CAMTA1: variants seen among roughly 807,000 people sequenced by gnomAD.
CAMTA1 encodes calmodulin binding transcription activator 1, also known as calmodulin-binding transcription activator 1.
CAMTA1 carries 27 observed loss-of-function variants against 170.9 expected under a neutral mutation model. The ratio of observed to expected loss-of-function variants is 0.16; its 90% confidence interval spans 0.12 to 0.22. The LOEUF (loss-of-function observed/expected upper bound fraction) is 0.22. CAMTA1 is among the 10% of genes least tolerant of loss of function. The pLI, the probability that CAMTA1 is intolerant of heterozygous loss-of-function variation, is 1.00. For missense variants in CAMTA1, 1,619 were observed against 2,217.2 expected (o/e 0.73, Z 5.42); for synonymous variants, 833 against 891.5 (o/e 0.93, Z 1.17).
intron 5 of CAMTA1, among the ~76,000 whole-genome samples, chr1:7,281,665 A>T (rs180761390): frequency 3.3e-5 from 5 of 152,360 alleles, no homozygotes; most frequent in Admixed American, 2.6e-4. Flanking sequence ...CTAATGAAAT[A>T]TTTTAATATC....
chr1:7,171,412 G>C (rs936375052), intron 4 of CAMTA1, among the ~76,000 whole-genome samples: 9 of 152,094 alleles, frequency 5.9e-5, no homozygotes, highest in Non-Finnish European at 1.3e-4. Flanking sequence ...TCTCTTTCCA[G>C]CCCTGCTCAA....
At chr1:7,047,784 C>T (rs942139803) in intron 3 of CAMTA1, among the ~76,000 whole-genome samples, 1 of 151,028 alleles carries the variant, frequency 6.6e-6, no homozygotes, top group Admixed American at 6.6e-5. Context: ...GCAGCTTCTC[C>T]ACTTGGTGGG....
At chr1:7,131,522 C>CTTTTTTTTTTTTTTT (rs58819912) in intron 4 of CAMTA1, among the ~76,000 whole-genome samples, 1 of 126,698 alleles carries the variant, frequency 7.9e-6, no homozygotes, top group Non-Finnish European at 1.7e-5. Flanking sequence ...ATCGTCTTTT[C>CTTTTTTTTTTTTTTT]TTTTTTTTTT....
At position 7,723,232 on chromosome 1, in the gene CAMTA1, G is replaced by A. The variant is rs1485469877; in HGVS notation, c.2915-9216G>A. 1.3e-5 allele frequency among the ~76,000 whole-genome samples: 2 copies of A among 152,242 alleles called. 1 individual carries two copies. The highest frequency in any genetic ancestry group is 4.1e-4 in the South Asian group (2 of 4,822). On this transcript the variant is annotated intron_variant, in intron 11 of 22. Transcript: ENST00000303635. ...ATGAGAGATGAATCTGGAGCATCTT[G>A]TAATGCCAGAAAGGAAGGAAGTGCT... is the stretch of plus-strand genomic sequence containing the variant.
At chr1:7,247,386 C>T (rs955855089) in intron 4 of CAMTA1, among the ~76,000 whole-genome samples, 4 of 152,150 alleles carry the variant, frequency 2.6e-5, no homozygotes, top group East Asian at 1.9e-4. Context: ...GATGTGGGAA[C>T]GGTTTGCCTG....
At chr1:7,498,191 AGTGT>A (rs1553182530) in intron 6 of CAMTA1, among the ~76,000 whole-genome samples, 21 of 148,516 alleles carry the variant, frequency 1.4e-4, no homozygotes, top group African/African-American at 3.3e-4. Flanking sequence ...TATGAGAGTG[AGTGT>A]GTGTGTGTGT....
intron 3 of CAMTA1, among the ~76,000 whole-genome samples, chr1:6,984,082 A>ATGGGT (rs1694921778): frequency 3.0e-3 from 1 of 332 alleles, no homozygotes; most frequent in African/African-American, 0.014. Context: ...GGGTGGATAG[A>ATGGGT]TGGATGGGTG....
rs77674315 is a variant in CAMTA1, at chr1:7,378,946, C to T, written c.439-88884C>T. 1.7e-3 allele frequency among the ~76,000 whole-genome samples: 259 copies of T among 152,160 alleles called. 1 individual carries two copies. Among genetic ancestry groups the T allele is most frequent in the African/African-American group, 5.5e-3 (229 of 41,498 alleles). On this transcript the variant is annotated intron_variant, in intron 5 of 22. Transcript: ENST00000303635. ...TCTTGCACCGGCTCCTCGAGGCACC[C>T]CATCCCCATCCCCACTCTGTCTCTG...
chr1:7,454,153 C>A (rs996528947), intron 5 of CAMTA1, among the ~76,000 whole-genome samples: 2 of 152,196 alleles, frequency 1.3e-5, no homozygotes, highest in African/African-American at 4.8e-5. Flanking sequence ...TGGAAGCTGC[C>A]GTTTATTTTA....
intron 3 of CAMTA1, among the ~76,000 whole-genome samples, chr1:7,090,711 G>T (rs916641943): frequency 6.6e-6 from 1 of 152,050 alleles, no homozygotes; most frequent in Non-Finnish European, 1.5e-5. Context: ...CTCTGCTGAC[G>T]TTGCTCTTCT....
intron 3 of CAMTA1, among the ~76,000 whole-genome samples, chr1:7,009,160 G>A (rs189794468): frequency 1.3e-5 from 2 of 152,352 alleles, no homozygotes; most frequent in East Asian, 3.9e-4. Context: ...TCCCTTTCTG[G>A]GCCCCGTTTA....
intron 6 of CAMTA1, among the ~76,000 whole-genome samples, chr1:7,628,939 C>T (rs561097506): frequency 6.6e-6 from 1 of 152,312 alleles, no homozygotes; most frequent in African/African-American, 2.4e-5. Context: ...ACCTGATTGC[C>T]CAGCATCTGT....
chr1:6,963,033 A>C (rs1690781882), intron 3 of CAMTA1, among the ~76,000 whole-genome samples: 1 of 132,632 alleles, frequency 7.5e-6, no homozygotes, highest in Admixed American at 7.5e-5. Flanking sequence ...GGCAGACCCC[A>C]TTCTCCATTC....
At chr1:6,985,627 G>A (rs1572230381) in intron 3 of CAMTA1, among the ~76,000 whole-genome samples, 2 of 152,216 alleles carry the variant, frequency 1.3e-5, no homozygotes, top group African/African-American at 4.8e-5. Context: ...TTAATAGCAC[G>A]AAAATAATTT....
At position 7,333,255 on chromosome 1, in the gene CAMTA1, G is replaced by C. The variant is rs534889847; in HGVS notation, c.438+83629G>C. On this transcript the variant is annotated intron_variant, in intron 5 of 22. Transcript: ENST00000303635. This position sits in a 1 kb window ranked among gnomAD's most constrained non-coding sequence, Gnocchi z 4.4. ...GAGGATGACTCTCAGGTGATTATGA[G>C]CTTCCCTGTCGAGGTTGGGCTCTGC... Among the ~76,000 whole-genome samples, 9 of 152,296 alleles carry C rather than the reference G, an allele frequency of 5.9e-5. No individual in the cohort carries two copies. The highest frequency in any genetic ancestry group is 1.9e-4 in the African/African-American group (8 of 41,550).
At chr1:6,845,675 A>G (rs558338029) in intron 3 of CAMTA1, among the ~76,000 whole-genome samples, 17 of 152,374 alleles carry the variant, frequency 1.1e-4, no homozygotes, top group African/African-American at 3.8e-4. Context: ...TCAGTTTAGT[A>G]ATTGCTTCTT....
At position 7,325,765 on chromosome 1, in the gene CAMTA1, G is replaced by A. The variant is rs1276156913; in HGVS notation, c.438+76139G>A. On this transcript the variant is annotated intron_variant, in intron 5 of 22. Transcript: ENST00000303635. This position sits in a 1 kb window ranked among gnomAD's most constrained non-coding sequence, Gnocchi z 5.0. Reference sequence around the variant, plus strand: ...GCTGTGGACATACTGCATTTGAGATGCCTCAAAAATTCAGAGGGGCCACTG... The same window carrying A: ...GCTGTGGACATACTGCATTTGAGATACCTCAAAAATTCAGAGGGGCCACTG... 6.6e-6 allele frequency among the ~76,000 whole-genome samples: 1 copy of A among 152,214 alleles called. No homozygotes were observed. Among genetic ancestry groups the A allele is most frequent in the East Asian group, 1.9e-4 (1 of 5,196 alleles).
chr1:6,874,680 G>T lies in CAMTA1; in HGVS notation c.234+49470G>T, dbSNP rs1463830803. On this transcript the variant is annotated intron_variant, in intron 3 of 22. Transcript: ENST00000303635. ...TTCAGGTGCATAAAGTTAAATCTGG[G>T]TTTTTAATCTCTTAGGAAGAAAAGT... Among the ~76,000 whole-genome samples the T allele has an allele frequency of 2.0e-5, 3 of 152,158 alleles. No homozygotes were observed. In the East Asian group the frequency reaches 5.8e-4, roughly 29 times the overall value.
Position 7,171,627 on chromosome 1 carries a change from A to G in CAMTA1, c.303-77864A>G, listed in dbSNP as rs531362149. Among the ~76,000 whole-genome samples, 3 of 152,330 alleles carry G rather than the reference A, an allele frequency of 2.0e-5. No individual in the cohort carries two copies. The East Asian group carries it at 5.8e-4, about 29-fold the overall frequency. ...AAAACTGAGATGAAATTCACATAACATAAAATTACCCATTTTAAAGTATAC... is the reference window on the plus strand; with the variant it reads ...AAAACTGAGATGAAATTCACATAACGTAAAATTACCCATTTTAAAGTATAC... On this transcript the variant is annotated intron_variant, in intron 4 of 22. Transcript: ENST00000303635.
Sources: gnomAD v4.1 joint callset for allele counts (sites outside exome capture counted in the v4.1 genomes callset) on GRCh38, gnomAD v4.1.1 for gene constraint, Gnocchi (gnomAD v3.1) non-coding constraint, MANE v1.5 for transcripts, NCBI Gene and HGNC (gene_info 2026-07-23, HGNC 2026-07-21) for gene names.